Variants in RYR2 observed in about 807,000 individuals in gnomAD.
The protein encoded by RYR2 is cardiac muscle ryanodine receptor-calcium release channel.
In RYR2, 227 loss-of-function variants were observed where a neutral mutation model predicts 601.1. The ratio of observed to expected loss-of-function variants is 0.38; its 90% CI spans 0.34 to 0.42. The LOEUF (loss-of-function observed/expected upper bound fraction) is 0.42, where lower values mean the gene tolerates loss of function less well. Ranked by LOEUF, RYR2 falls within the 10% of genes least tolerant of loss-of-function variation. RYR2 has a pLI of 1.00. For synonymous variants in RYR2, 2,223 were observed against 2,175.1 expected (o/e 1.02, Z -0.61); for missense variants, 4,646 against 6,156.5 (o/e 0.75, Z 8.21).
At chr1:237,554,081 TA>T (rs143691283) in intron 27 of RYR2, among the ~76,000 whole-genome samples, 364 of 152,062 alleles carry the variant, frequency 2.4e-3, no homozygotes, top group African/African-American at 7.7e-3. Flanking sequence ...TTCTGCCTTA[TA>T]GGGGGAAAGT....
intron 2 of RYR2, among the ~76,000 whole-genome samples, chr1:237,280,547 T>C (rs970021131): frequency 2.0e-5 from 3 of 152,160 alleles, no homozygotes; most frequent in African/African-American, 7.2e-5. Flanking sequence ...CCCAATATTT[T>C]TAGAGAAAAA....
intron 3 of RYR2, among the ~76,000 whole-genome samples, chr1:237,339,526 A>G (rs1404757985): frequency 2.0e-5 from 3 of 152,154 alleles, no homozygotes; most frequent in African/African-American, 4.8e-5. Flanking sequence ...AGATTAGTAT[A>G]TAGCCATCTA....
At chr1:237,533,618 T>G in intron 25 of RYR2, among the ~76,000 whole-genome samples, 1 of 151,970 alleles carries the variant, frequency 6.6e-6, no homozygotes, top group East Asian at 1.9e-4. Context: ...ATAATAAGGG[T>G]GTAAAAAACA....
chr1:237,777,421 C>T, intron 87 of RYR2, among the ~76,000 whole-genome samples: 1 of 152,116 alleles, frequency 6.6e-6, no homozygotes, highest in South Asian at 2.1e-4. Flanking sequence ...TCACTTGTTT[C>T]TAGCATAAGA....
chr1:237,784,166 A>G lies in RYR2; in HGVS notation c.12454A>G (p.Ile4152Val). ...ACGCATCGAGAGGGTCTATTTTGAA[A>G]TCAGTGAGTCCAGCCGAACCCAGTG... ...AKRIERVYFE[I>V]SESSRTQWEK... is the part of the protein sequence containing the mutation. Residue 4152 changes from isoleucine to valine, a missense_variant, in exon 90 of 105, where the codon ATC becomes GTC. By Grantham distance (29) the Ile-to-Val change is conservative. Coordinates refer to ENST00000366574, the MANE Select transcript of RYR2 (RefSeq NM_001035.3). The surrounding 1 kb of genome is among the most constrained non-coding windows in gnomAD (Gnocchi z 7.1). The G allele has an allele frequency of 6.2e-7, 1 of 1,614,014 alleles. No homozygotes were observed. The highest frequency in any genetic ancestry group is 8.5e-7 in the Non-Finnish European group (1 of 1,179,892).
intron 1 of RYR2, among the ~76,000 whole-genome samples, chr1:237,265,983 TAAAG>T (rs1553371843): frequency 6.6e-6 from 1 of 152,218 alleles, no homozygotes; most frequent in Non-Finnish European, 1.5e-5. Context: ...AGAATTTGTA[TAAAG>T]AAAGATCAAT....
intron 6 of RYR2, 74 bp downstream of exon 6, chr1:237,369,682 GT>G: frequency 8.4e-7 from 1 of 1,194,440 alleles, no homozygotes; most frequent in Non-Finnish European, 1.2e-6. Context: ...GCAAATGCTG[GT>G]AGCATCATTT....
intron 91 of RYR2, among the ~76,000 whole-genome samples, chr1:237,787,223 C>CTT (rs1657703224): frequency 6.6e-6 from 1 of 151,922 alleles, no homozygotes; most frequent in African/African-American, 2.4e-5. Flanking sequence ...TAATGATACA[C>CTT]TTTATACATG....
At chr1:237,731,842 T>C (rs1690705754) in intron 77 of RYR2, among the ~76,000 whole-genome samples, 1 of 151,696 alleles carries the variant, frequency 6.6e-6, no homozygotes, top group South Asian at 2.1e-4. Context: ...AGCTTTTATA[T>C]ACACATACAC....
At chr1:237,073,549 A>G (rs746833623) in intron 1 of RYR2, among the ~76,000 whole-genome samples, 7 of 152,148 alleles carry the variant, frequency 4.6e-5, no homozygotes, top group Non-Finnish European at 1.0e-4. Context: ...AAGACCTATC[A>G]TGGCAAAAAG....
At chr1:237,609,659 C>G (rs1677602580) in intron 35 of RYR2, among the ~76,000 whole-genome samples, 1 of 152,108 alleles carries the variant, frequency 6.6e-6, no homozygotes. Context: ...GCCATGGTGC[C>G]TAGCCCAGTC....
Position 237,345,464 on chromosome 1 carries a change from A to T in RYR2, c.274-10501A>T, listed in dbSNP as rs1347281299. Among the ~76,000 whole-genome samples the T allele has an allele frequency of 2.7e-5, 4 of 150,720 alleles. No homozygotes were observed. The South Asian group carries it at 6.2e-4, about 23-fold the overall frequency. On this transcript the variant is annotated intron_variant, in intron 3 of 104. Transcript: ENST00000366574. ...GAGAGAGACTCTGCCAAAAAATAAA[A>T]AATAAAAAATAAAAAATAAAAAAAA...
At chr1:237,301,269 C>T (rs534764670) in intron 2 of RYR2, among the ~76,000 whole-genome samples, 2 of 152,190 alleles carry the variant, frequency 1.3e-5, no homozygotes, top group South Asian at 4.2e-4. Flanking sequence ...TGAATACATA[C>T]CATTCAAATC....
chr1:237,805,606 G>GAT (rs1660547848), intron 98 of RYR2, among the ~76,000 whole-genome samples: 1 of 93,768 alleles, frequency 1.1e-5, no homozygotes, highest in Non-Finnish European at 2.2e-5. Context: ...AAAAAAAAAA[G>GAT]TATAGTGTAC....
In RYR2 at chr1:237,614,434, T is replaced by C. The variant is rs1553522244; in HGVS notation, c.5306T>C (p.Val1769Ala). ...PRMQFSSPSF[V>A]SISNECYQYS... ...ATGCAGTTTTCCTCCCCCAGTTTTG[T>C]AAGCATTAGTAATGAATGTTACCAG... The change falls in exon 37 of 105, where the codon GTA (valine) becomes GCA (alanine). Residue 1769 changes from valine (V) to alanine (A), a missense_variant. By Grantham distance (64) the Val-to-Ala change is moderately conservative. Around this residue, in one of 17 missense-constraint regions of RYR2, gnomAD observed 1,807 missense variants for 2,088.1 expected, o/e 0.87. Coordinates refer to ENST00000366574, the MANE Select transcript of RYR2 (RefSeq NM_001035.3). This position sits in a 1 kb window ranked among gnomAD's most constrained non-coding sequence, Gnocchi z 4.3. 6.2e-7 allele frequency: 1 copy of C among 1,614,030 alleles called. No individual in the cohort carries two copies. The highest frequency in any genetic ancestry group is 8.5e-7 in the Non-Finnish European group (1 of 1,179,902).
chr1:237,207,533 TCCA>T (rs1681954020), intron 1 of RYR2, among the ~76,000 whole-genome samples: 1 of 152,224 alleles, frequency 6.6e-6, no homozygotes, highest in African/African-American at 2.4e-5. Context: ...GCCATCACAC[TCCA>T]GCCTGGGCGA....
chr1:237,379,772 C>T (rs1701300351), intron 8 of RYR2, among the ~76,000 whole-genome samples: 1 of 152,136 alleles, frequency 6.6e-6, no homozygotes, highest in African/African-American at 2.4e-5. Context: ...ATGAGCCACA[C>T]CTTGCCCAGC....
At chr1:237,381,537 G>A (rs1019984137) in intron 8 of RYR2, among the ~76,000 whole-genome samples, 5 of 152,152 alleles carry the variant, frequency 3.3e-5, no homozygotes, top group Admixed American at 1.3e-4. Flanking sequence ...TCTATTGACC[G>A]ATGAGCGATT....
At chr1:237,146,282 T>A (rs1384394781) in intron 1 of RYR2, among the ~76,000 whole-genome samples, 1 of 152,232 alleles carries the variant, frequency 6.6e-6, no homozygotes, top group Non-Finnish European at 1.5e-5. Context: ...CCCACATTTT[T>A]AATTTAGTGT....
Sources: allele counts gnomAD v4.1 joint callset (sites outside exome capture counted in the v4.1 genomes callset), GRCh38; gene constraint gnomAD v4.1.1; regional missense constraint gnomAD v4.1.1; non-coding constraint Gnocchi (gnomAD v3.1); transcripts MANE v1.5; gene names NCBI Gene and HGNC (gene_info 2026-07-23, HGNC 2026-07-21).